USP6NL: variants seen among roughly 807,000 people sequenced by gnomAD.
USP6NL encodes the protein USP6 N-terminal-like protein.
Under a neutral mutation model 61.9 loss-of-function variants are expected in USP6NL, and 26 were observed. The ratio of observed to expected loss-of-function variants is 0.42; its 90% confidence interval spans 0.31 to 0.58. USP6NL has a LOEUF of 0.58. Ranked by LOEUF, USP6NL falls within the 20% of genes least tolerant of loss-of-function variation. The probability of loss-of-function intolerance (pLI) is 0.16; values close to 1 mark genes in which losing one functional copy is unlikely to be tolerated. For missense variants in USP6NL, 1,114 were observed against 1,034.3 expected (o/e 1.08, Z -1.06); for synonymous variants, 432 against 390.1 (o/e 1.11, Z -1.27).
In USP6NL at chr10:11,585,623, A is replaced by C. The variant is rs1837935455; in HGVS notation, c.4+12008T>G. 6.6e-6 allele frequency among the ~76,000 whole-genome samples: 1 copy of C among 152,180 alleles called. No homozygotes were observed. The highest frequency in any genetic ancestry group is 1.5e-5 in the Non-Finnish European group (1 of 68,012). The stretch of plus-strand genomic sequence containing the variant: ...CTTTCAGTGAGCCGTGATCAAGGAC[A>C]CTGCACTCCAGCCTGGGAAACAGAG... On this transcript the variant is annotated intron_variant, in intron 2 of 14. Transcript: ENST00000609104. The surrounding 1 kb of genome is among the most constrained non-coding windows in gnomAD (Gnocchi z 4.5).
intron 2 of USP6NL, among the ~76,000 whole-genome samples, chr10:11,541,573 G>C (rs1836069873): frequency 1.3e-5 from 2 of 152,046 alleles, no homozygotes; most frequent in Non-Finnish European, 2.9e-5. Context: ...CTTAACAAGA[G>C]AATCTGTCAA....
At chr10:11,559,596 C>T (rs1478037112) in intron 2 of USP6NL, among the ~76,000 whole-genome samples, 1 of 152,114 alleles carries the variant, frequency 6.6e-6, no homozygotes, top group East Asian at 1.9e-4. Flanking sequence ...ATCTAAGTAA[C>T]ATTATACTAC....
chr10:11,583,652 T>C (rs1837865923), intron 2 of USP6NL, among the ~76,000 whole-genome samples: 1 of 152,166 alleles, frequency 6.6e-6, no homozygotes, highest in African/African-American at 2.4e-5. Flanking sequence ...AAATCAAAAA[T>C]TCAAGAAAAC....
chr10:11,525,838 G>C lies in USP6NL; in HGVS notation c.73-370C>G, dbSNP rs1042194346. Among the ~76,000 whole-genome samples the C allele has an allele frequency of 2.0e-5, 3 of 152,238 alleles. No homozygotes were observed. The highest frequency in any genetic ancestry group is 4.4e-5 in the Non-Finnish European group (3 of 68,038). ...AGTTCTAGACCAAACACGTCTCAGA[G>C]AAAGAGATTTTTCTTTTTTGCCTTT... On this transcript the variant is annotated intron_variant, in intron 3 of 14. Transcript: ENST00000609104. This position sits in a 1 kb window ranked among gnomAD's most constrained non-coding sequence, Gnocchi z 5.0.
At chr10:11,527,978 C>T (rs1462363921) in intron 2 of USP6NL, among the ~76,000 whole-genome samples, 1 of 152,120 alleles carries the variant, frequency 6.6e-6, no homozygotes, top group East Asian at 1.9e-4. Flanking sequence ...TAAACTAGCA[C>T]AAGATACAAT....
In USP6NL at chr10:11,562,796, G is replaced by C. The variant is rs1387010968; in HGVS notation, c.4+34835C>G. 2.0e-6 allele frequency: 2 copies of C among 984,048 alleles called. No individual in the cohort carries two copies. The highest frequency in any genetic ancestry group is 3.5e-5 in the African/African-American group (2 of 57,168). 61.0% of individuals were successfully genotyped at this position (984,048 alleles called of 1,614,324 possible). ...AATTGCCTAATTTCTCAGTATTCTAGTTTTATTAGGCATTAGTAAATAAGT... is the reference window on the plus strand; with the variant it reads ...AATTGCCTAATTTCTCAGTATTCTACTTTTATTAGGCATTAGTAAATAAGT... On this transcript the variant is annotated intron_variant, in intron 2 of 14. Transcript: ENST00000609104. This position sits in a 1 kb window ranked among gnomAD's most constrained non-coding sequence, Gnocchi z 4.8.
chr10:11,549,598 C>CT (rs1278252567), intron 2 of USP6NL, among the ~76,000 whole-genome samples: 1 of 152,118 alleles, frequency 6.6e-6, no homozygotes, highest in Non-Finnish European at 1.5e-5. Flanking sequence ...AGTTCTTTAT[C>CT]TTTTCTTTCT....
rs927052576 is a variant in USP6NL, at chr10:11,501,107, C to T, written c.378G>A (p.Leu126=). Residue 126 remains leucine, a synonymous_variant, in exon 7 of 15, where the codon CTG becomes CTA. Transcript: ENST00000609104. ...GTTAGCTTTAGCTACTCACACTATACAGGTCCCTTGTTTCTTCTTTCATTT... is the reference window on the plus strand; with the variant it reads ...GTTAGCTTTAGCTACTCACACTATATAGGTCCCTTGTTTCTTCTTTCATTT... ...IPKMKEETRD[L]YSKLKHRARG... 1.3e-5 allele frequency: 21 copies of T among 1,608,652 alleles called. No individual in the cohort carries two copies. Among genetic ancestry groups the T allele is most frequent in the African/African-American group, 1.1e-4 (8 of 74,672 alleles).
At chr10:11,610,708 C>T (rs57108250) in intron 1 of USP6NL, among the ~76,000 whole-genome samples, 13,274 of 151,030 alleles carry the variant, frequency 0.088, 1,022 homozygotes, top group East Asian at 0.42. Flanking sequence ...CCAAAGAAGG[C>T]ATGCTGAAGT....
chr10:11,582,503 C>T (rs943024068), intron 2 of USP6NL, among the ~76,000 whole-genome samples: 1 of 152,152 alleles, frequency 6.6e-6, no homozygotes, highest in Non-Finnish European at 1.5e-5. Context: ...CACATTACTA[C>T]AAAAAATAAA....
intron 2 of USP6NL, chr10:11,564,401 C>T (rs1187403923): frequency 1.3e-5 from 2 of 152,162 alleles, no homozygotes; most frequent in African/African-American, 2.4e-5. Flanking sequence ...GAATCGAATC[C>T]TCTCAGTAAT....
intron 14 of USP6NL, among the ~76,000 whole-genome samples, chr10:11,466,672 A>G (rs79474233): frequency 0.016 from 2,381 of 152,334 alleles, 50 homozygotes; most frequent in African/African-American, 0.052. Flanking sequence ...GTTCTGAGAA[A>G]TAAGTTGTCA....
Position 11,592,953 on chromosome 10 carries a change from T to C in USP6NL, c.4+4678A>G, listed in dbSNP as rs1838200530. Reference sequence around the variant, plus strand: ...AATGAAGGTCTTTACTCCTATACTATTAGAAAACCACAAATACACTACACC... The same window carrying C: ...AATGAAGGTCTTTACTCCTATACTACTAGAAAACCACAAATACACTACACC... On this transcript the variant is annotated intron_variant, in intron 2 of 14. Coordinates refer to ENST00000609104, the MANE Select transcript of USP6NL (RefSeq NM_014688.5). The surrounding 1 kb of genome is among the most constrained non-coding windows in gnomAD (Gnocchi z 4.7). 6.6e-6 allele frequency among the ~76,000 whole-genome samples: 1 copy of C among 152,224 alleles called. No homozygotes were observed. Among genetic ancestry groups the C allele is most frequent in the Non-Finnish European group, 1.5e-5 (1 of 68,036 alleles).
intron 13 of USP6NL, 26 bp downstream of exon 13, chr10:11,484,945 T>A (rs758803236): frequency 6.7e-7 from 1 of 1,484,718 alleles, no homozygotes; most frequent in South Asian, 1.3e-5. Flanking sequence ...TTTAATGAAA[T>A]TTTAAGAGTT....
At chr10:11,521,434 G>A (rs1591881807) in intron 4 of USP6NL, among the ~76,000 whole-genome samples, 1 of 149,896 alleles carries the variant, frequency 6.7e-6, no homozygotes, top group Admixed American at 6.7e-5. Flanking sequence ...AGGCTGGAGT[G>A]CAACGGTGCG....
In USP6NL at chr10:11,462,449, A is replaced by G. The variant is rs749919757; in HGVS notation, c.2479T>C (p.Leu827=). 1.9e-6 allele frequency: 3 copies of G among 1,613,172 alleles called. No homozygotes were observed. In the South Asian group the frequency reaches 3.3e-5, roughly 18 times the overall value. ...RDGLSIQESV[L]L ...CAAGTACACGTCAAATCTCACAGCA[A>G]CACTGACTCTTGGATGGAAAGCCCG... Residue 827 remains leucine, a synonymous_variant, in exon 15 of 15, where the codon TTG becomes CTG. Coordinates refer to ENST00000609104, the MANE Select transcript of USP6NL (RefSeq NM_014688.5).
In USP6NL at chr10:11,575,544, G is replaced by T. The variant is rs1291465426; in HGVS notation, c.4+22087C>A. On this transcript the variant is annotated intron_variant, in intron 2 of 14. Transcript: ENST00000609104. The surrounding 1 kb of genome is among the most constrained non-coding windows in gnomAD (Gnocchi z 4.2). Reference sequence around the variant, plus strand: ...CTCCATACCTGGCCAGGGAAGAGAGGAGTATCTAAATTCATGTCTCATAAA... The same window carrying T: ...CTCCATACCTGGCCAGGGAAGAGAGTAGTATCTAAATTCATGTCTCATAAA... Among the ~76,000 whole-genome samples the T allele has an allele frequency of 6.6e-6, 1 of 152,154 alleles. No individual in the cohort carries two copies. Among genetic ancestry groups the T allele is most frequent in the Non-Finnish European group, 1.5e-5 (1 of 68,026 alleles).
At position 11,553,046 on chromosome 10, in the gene USP6NL, CT is replaced by C. The variant is rs1836553385; in HGVS notation, c.5-25480del. Among the ~76,000 whole-genome samples, 1 of 152,166 alleles carries C rather than the reference CT, an allele frequency of 6.6e-6. No individual in the cohort carries two copies. The highest frequency in any genetic ancestry group is 1.5e-5 in the Non-Finnish European group (1 of 68,034). Reference sequence around the variant, plus strand: ...ACTATGTGTACCCATTGTTTCGCTCCTACTTATAAGTGAGAACACTGGCATC... The same window carrying C: ...ACTATGTGTACCCATTGTTTCGCTCCACTTATAAGTGAGAACACTGGCATC... On this transcript the variant is annotated intron_variant, in intron 2 of 14. Coordinates refer to ENST00000609104, the MANE Select transcript of USP6NL (RefSeq NM_014688.5). The surrounding 1 kb of genome is among the most constrained non-coding windows in gnomAD (Gnocchi z 4.8).
At chr10:11,576,326 C>T (rs2133588560) in intron 2 of USP6NL, among the ~76,000 whole-genome samples, 1 of 152,316 alleles carries the variant, frequency 6.6e-6, no homozygotes, top group Admixed American at 6.5e-5. Flanking sequence ...CTTCTCACTT[C>T]AGTATTTTAT....
Sources: gnomAD v4.1 joint callset for allele counts (sites outside exome capture counted in the v4.1 genomes callset) on GRCh38, gnomAD v4.1.1 for gene constraint, Gnocchi (gnomAD v3.1) non-coding constraint, MANE v1.5 for transcripts, NCBI Gene and HGNC (gene_info 2026-07-23, HGNC 2026-07-21) for gene names.